CSGALNACT1: variants seen among roughly 807,000 people sequenced by gnomAD.
CSGALNACT1 encodes the protein chondroitin sulfate N-acetylgalactosaminyltransferase 1.
A neutral mutation model predicts 51.0 loss-of-function variants in CSGALNACT1; 52 were observed. That is an observed-to-expected ratio of 1.02 (90% CI 0.82 to 1.29). The LOEUF (loss-of-function observed/expected upper bound fraction) is 1.29. CSGALNACT1 is among the 50% of genes most tolerant of loss of function. The probability of loss-of-function intolerance (pLI) is 0.00; values close to 1 mark genes in which losing one functional copy is unlikely to be tolerated. For missense variants in CSGALNACT1, 935 were observed against 679.2 expected, an observed-to-expected ratio of 1.38 and a Z score of -4.19; for synonymous variants, 341 against 254.4, an observed-to-expected ratio of 1.34 and a Z score of -3.24.
chr8:19,531,231 T>C (rs897710749), intron 3 of CSGALNACT1, among the ~76,000 whole-genome samples: 9 of 152,188 alleles, frequency 5.9e-5, no homozygotes, highest in East Asian at 1.9e-4. Flanking sequence ...GTTGGAAACA[T>C]TGAAACCCCA....
At chr8:19,689,229 G>C (rs2154214002) in intron 1 of CSGALNACT1, among the ~76,000 whole-genome samples, 1 of 152,200 alleles carries the variant, frequency 6.6e-6, no homozygotes, top group African/African-American at 2.4e-5. Flanking sequence ...TGGTTCTCCT[G>C]GAACAATCAC....
At chr8:19,731,473 A>T (rs1341245966) in intron 1 of CSGALNACT1, among the ~76,000 whole-genome samples, 4 of 152,208 alleles carry the variant, frequency 2.6e-5, no homozygotes, top group African/African-American at 9.6e-5. Context: ...ACACCACTGC[A>T]TTCTAGCCTG....
chr8:19,541,589 A>G (rs1299242538), intron 3 of CSGALNACT1, among the ~76,000 whole-genome samples: 1 of 82,738 alleles, frequency 1.2e-5, no homozygotes, highest in Admixed American at 1.1e-4. Flanking sequence ...TAGTAGAGAC[A>G]GGAATTCACC....
At chr8:19,511,630 A>G (rs1255770889) in intron 3 of CSGALNACT1, among the ~76,000 whole-genome samples, 1 of 152,156 alleles carries the variant, frequency 6.6e-6, no homozygotes, top group Non-Finnish European at 1.5e-5. Flanking sequence ...ATGGCCCTCA[A>G]TGGTCCCTGC....
intron 1 of CSGALNACT1, among the ~76,000 whole-genome samples, chr8:19,752,376 G>A (rs192891260): frequency 9.5e-4 from 145 of 152,156 alleles, no homozygotes; most frequent in African/African-American, 3.2e-3. Context: ...CTGAGCACCC[G>A]ACATGGAACA....
chr8:19,474,323 T>A (rs910552109), intron 4 of CSGALNACT1, among the ~76,000 whole-genome samples: 3 of 152,198 alleles, frequency 2.0e-5, no homozygotes, highest in Non-Finnish European at 4.4e-5. Flanking sequence ...CTTTCCAATA[T>A]AAAGAAAGTT....
chr8:19,636,509 G>C (rs889468682), intron 1 of CSGALNACT1, among the ~76,000 whole-genome samples: 3 of 152,078 alleles, frequency 2.0e-5, no homozygotes, highest in African/African-American at 7.2e-5. Flanking sequence ...TCACTTCATA[G>C]AAAATGGTGG....
intron 1 of CSGALNACT1, among the ~76,000 whole-genome samples, chr8:19,672,762 T>G (rs2059891315): frequency 6.6e-6 from 1 of 152,234 alleles, no homozygotes; most frequent in Admixed American, 6.5e-5. Context: ...TTTTTTATAC[T>G]GTCACACCAA....
chr8:19,673,839 T>C (rs541936346), intron 1 of CSGALNACT1, among the ~76,000 whole-genome samples: 3 of 152,336 alleles, frequency 2.0e-5, no homozygotes, highest in Non-Finnish European at 4.4e-5. Context: ...AAAATATTGT[T>C]TGTCTTTTGG....
At chr8:19,623,215 G>C (rs1167668950) in intron 1 of CSGALNACT1, among the ~76,000 whole-genome samples, 2 of 152,136 alleles carry the variant, frequency 1.3e-5, no homozygotes, top group Admixed American at 1.3e-4. Context: ...GATTGATATA[G>C]CAATTCTAAA....
chr8:19,756,685 G>A (rs2065403273), intron 1 of CSGALNACT1, among the ~76,000 whole-genome samples: 1 of 151,224 alleles, frequency 6.6e-6, no homozygotes. Flanking sequence ...CCACTAGCCC[G>A]GTCCCGGGCA....
At chr8:19,683,090 G>A (rs141174469), upstream of CSGALNACT1, 142 of 232,862 alleles carry the variant, frequency 6.1e-4, no homozygotes, top group African/African-American at 2.9e-3. Flanking sequence ...AACTGTGTGC[G>A]ATCACAGGAC....
chr8:19,581,301 G>T (rs2045513109), intron 3 of CSGALNACT1, among the ~76,000 whole-genome samples: 1 of 152,094 alleles, frequency 6.6e-6, no homozygotes, highest in African/African-American at 2.4e-5. Flanking sequence ...AGCATATTCA[G>T]GCCTGACTCA....
At chr8:19,718,415 T>G (rs888646065) in intron 1 of CSGALNACT1, among the ~76,000 whole-genome samples, 1 of 152,184 alleles carries the variant, frequency 6.6e-6, no homozygotes, top group Non-Finnish European at 1.5e-5. Context: ...GGCTTTCTAT[T>G]TCTCCTCCAT....
intron 3 of CSGALNACT1, among the ~76,000 whole-genome samples, chr8:19,510,274 G>C (rs1382891556): frequency 2.6e-5 from 4 of 152,012 alleles, no homozygotes; most frequent in African/African-American, 9.7e-5. Flanking sequence ...ACAATCTCTG[G>C]GCAACAAAAC....
chr8:19,662,871 C>T (rs1175320727), intron 1 of CSGALNACT1, among the ~76,000 whole-genome samples: 1 of 152,148 alleles, frequency 6.6e-6, no homozygotes, highest in Middle Eastern at 3.2e-3. Flanking sequence ...GGTCATGCCA[C>T]ACATCCAGCT....
At chr8:19,449,207 T>A (rs1191374417) in intron 5 of CSGALNACT1, among the ~76,000 whole-genome samples, 2 of 152,156 alleles carry the variant, frequency 1.3e-5, no homozygotes, top group Non-Finnish European at 2.9e-5. Flanking sequence ...ACATAACCCC[T>A]GGCTCAAGTG....
chr8:19,556,022 C>T (rs895408982), intron 3 of CSGALNACT1, among the ~76,000 whole-genome samples: 7 of 152,220 alleles, frequency 4.6e-5, no homozygotes, highest in African/African-American at 1.7e-4. Context: ...AAGATAAGAA[C>T]GATAACACTG....
At chr8:19,626,275 T>C (rs886347513) in intron 1 of CSGALNACT1, among the ~76,000 whole-genome samples, 1 of 152,128 alleles carries the variant, frequency 6.6e-6, no homozygotes. Flanking sequence ...TACGTAAGAA[T>C]GGCCAGCACA....
Sources: gnomAD v4.1 joint callset for allele counts (sites outside exome capture counted in the v4.1 genomes callset) on GRCh38, gnomAD v4.1.1 for gene constraint, MANE v1.5 for transcripts, NCBI Gene and HGNC (gene_info 2026-07-23, HGNC 2026-07-21) for gene names.